The following SLFN12L variants were observed in gnomAD, a reference collection of about 807,000 sequenced individuals.
The protein encoded by SLFN12L is schlafen family member 12-like.
SLFN12L carries 34 observed loss-of-function variants against 34.8 expected under a neutral mutation model. The ratio of observed to expected loss-of-function variants is 0.98; its 90% CI spans 0.74 to 1.30. The LOEUF (loss-of-function observed/expected upper bound fraction) is 1.30. Ranked by LOEUF, SLFN12L falls within the 50% of genes most tolerant of loss-of-function variation. The pLI is 0.00. For missense variants in SLFN12L, 703 were observed against 696.2 expected, an observed-to-expected ratio of 1.01 and a Z score of -0.11; for synonymous variants, 259 against 247.5, an observed-to-expected ratio of 1.05 and a Z score of -0.44.
At chr17:35,492,914 G>T (rs912386273) in intron 2 of SLFN12L, among the ~76,000 whole-genome samples, 1 of 151,728 alleles carries the variant, frequency 6.6e-6, no homozygotes, top group African/African-American at 2.4e-5. Flanking sequence ...CACATAGTAG[G>T]CACTCAACTC....
intron 2 of SLFN12L, among the ~76,000 whole-genome samples, chr17:35,492,629 G>C (rs1914880643): frequency 6.6e-6 from 1 of 152,156 alleles, no homozygotes; most frequent in Admixed American, 6.5e-5. Flanking sequence ...CGTAGAAAAT[G>C]AAGCAAAACA....
Position 35,467,204 on chromosome 17 carries a change from G to T in SLFN12L, c.*7719C>A, listed in dbSNP as rs1287924393. 2.6e-5 allele frequency among the ~76,000 whole-genome samples: 4 copies of T among 152,186 alleles called. No homozygotes were observed. Among genetic ancestry groups the T allele is most frequent in the South Asian group, 4.1e-4 (2 of 4,828 alleles). ...GAGTGAACAGCAATAGAAGTTCACG[G>T]ACTATATGAATGGCACTGCCAACCA... On this transcript the variant is annotated 3_prime_UTR_variant, in exon 5 of 5. Transcript: ENST00000628453.
intron 2 of SLFN12L, among the ~76,000 whole-genome samples, chr17:35,482,413 G>A (rs1914379267): frequency 6.6e-6 from 1 of 152,186 alleles, no homozygotes; most frequent in Non-Finnish European, 1.5e-5. Context: ...ACTTTCTGGA[G>A]CCCGTGGGAG....
chr17:35,478,147 GTGA>G lies in SLFN12L; in HGVS notation c.1201_1203del (p.Ser401del). Reference sequence around the variant, plus strand: ...CGAAGAGGATAACTCTGGGAGACAGGTGATGATGTACTTGCTGGAGAGGGCAGT... The same window carrying G: ...CGAAGAGGATAACTCTGGGAGACAGGTGATGTACTTGCTGGAGAGGGCAGT... On this transcript the variant is annotated inframe_deletion, in exon 4 of 5. Coordinates refer to ENST00000628453, the MANE Select transcript of SLFN12L (RefSeq NM_001363830.2). 6.5e-7 allele frequency: 1 copy of G among 1,545,678 alleles called. No homozygotes were observed. The highest frequency in any genetic ancestry group is 1.2e-5 in the South Asian group (1 of 83,688).
At chr17:35,528,423 C>T (rs1417235315) in intron 1 of SLFN12L, among the ~76,000 whole-genome samples, 1 of 152,176 alleles carries the variant, frequency 6.6e-6, no homozygotes, top group Non-Finnish European at 1.5e-5. Flanking sequence ...CTGGAGGCAT[C>T]AAGCTACCCT....
At chr17:35,517,684 C>T (rs1597875141) in intron 2 of SLFN12L, among the ~76,000 whole-genome samples, 2 of 152,180 alleles carry the variant, frequency 1.3e-5, no homozygotes, top group Admixed American at 1.3e-4. Context: ...CAGCATAGCA[C>T]TGGTACCAAA....
At chr17:35,500,246 G>A (rs1018946052) in intron 2 of SLFN12L, 5 of 152,112 alleles carry the variant, frequency 3.3e-5, no homozygotes, top group Admixed American at 2.0e-4. Context: ...CTTATGATGA[G>A]TAAAGAGTCT....
At chr17:35,527,380 T>C (rs1288168369) in intron 1 of SLFN12L, among the ~76,000 whole-genome samples, 2 of 152,192 alleles carry the variant, frequency 1.3e-5, no homozygotes, top group Non-Finnish European at 2.9e-5. Flanking sequence ...ATCATCCTGA[T>C]ACCAAAACCT....
Position 35,471,364 on chromosome 17 carries a change from T to G in SLFN12L, c.*3559A>C, listed in dbSNP as rs1312139213. ...GTTGGCCAGGCTGGTCTCAAACTCC[T>G]GGCCTCAGGTGATCCACCCGCCTCA... On this transcript the variant is annotated 3_prime_UTR_variant, in exon 5 of 5. Transcript: ENST00000628453. Among the ~76,000 whole-genome samples the G allele has an allele frequency of 6.6e-6, 1 of 152,136 alleles. No homozygotes were observed. Among genetic ancestry groups the G allele is most frequent in the Non-Finnish European group, 1.5e-5 (1 of 68,008 alleles).
At chr17:35,489,956 G>A (rs1261100306) in intron 2 of SLFN12L, 3 of 1,424,818 alleles carry the variant, frequency 2.1e-6, no homozygotes, top group South Asian at 2.3e-5. Context: ...AACCAGTCAT[G>A]ATTTTTAAAA....
rs970498353 is a variant in SLFN12L, at chr17:35,465,207, A to G, written c.*9716T>C. Among the ~76,000 whole-genome samples, 1 of 152,178 alleles carries G rather than the reference A, an allele frequency of 6.6e-6. No individual in the cohort carries two copies. The highest frequency in any genetic ancestry group is 1.5e-5 in the Non-Finnish European group (1 of 68,030). On this transcript the variant is annotated 3_prime_UTR_variant, in exon 5 of 5. Transcript: ENST00000628453. ...AACTGAAAGCTCTAAATTAACTTTA[A>G]CATTTGCCAAAATGCACCAATTGAG...
intron 2 of SLFN12L, among the ~76,000 whole-genome samples, chr17:35,493,015 A>C (rs1380133754): frequency 6.6e-6 from 1 of 151,638 alleles, no homozygotes; most frequent in African/African-American, 2.4e-5. Context: ...CAGCCAGTTT[A>C]CTCCAGGTAG....
intron 2 of SLFN12L, among the ~76,000 whole-genome samples, chr17:35,504,048 C>A (rs1915387531): frequency 6.6e-6 from 1 of 152,224 alleles, no homozygotes; most frequent in African/African-American, 2.4e-5. Flanking sequence ...CACTCTATTT[C>A]TGACCATCTA....
In SLFN12L at chr17:35,530,405, GGAAGGAAGGAAGGAAGGAAGGAAGGGA is replaced by G. The variant is rs2072382551; in HGVS notation, c.-606+7141_-606+7167del. 1.2e-3 allele frequency among the ~76,000 whole-genome samples: 14 copies of G among 11,336 alleles called. 1 individual carries two copies. The highest frequency in any genetic ancestry group is 3.5e-3 in the African/African-American group (13 of 3,684). 7.4% of individuals were successfully genotyped at this position (11,336 alleles called of 152,430 possible). A position where few individuals can be genotyped will look rare whatever the true frequency, so the allele number is the denominator to read the frequency against. On this transcript the variant is annotated intron_variant, in intron 1 of 4. Coordinates refer to ENST00000628453, the MANE Select transcript of SLFN12L (RefSeq NM_001363830.2). ...AGGAAGGAAGGAAGGAAGGAAGGAA[GGAAGGAAGGAAGGAAGGAAGGAAGGGA>G]AGGGAAGGGAAGAAAGAAAGAAAGA... is the stretch of plus-strand genomic sequence containing the variant.
intron 2 of SLFN12L, among the ~76,000 whole-genome samples, chr17:35,513,930 G>A (rs964612855): frequency 1.3e-5 from 2 of 152,150 alleles, no homozygotes; most frequent in Non-Finnish European, 2.9e-5. Context: ...AGGCAAGCAC[G>A]CGAAATTCAG....
intron 2 of SLFN12L, chr17:35,515,301 T>C (rs1915781006): frequency 7.9e-6 from 3 of 378,064 alleles, no homozygotes; most frequent in South Asian, 4.9e-5. Context: ...GACAGGCACT[T>C]GGAAAGCAAG....
intron 1 of SLFN12L, among the ~76,000 whole-genome samples, chr17:35,524,046 T>G (rs2072308195): frequency 6.6e-6 from 1 of 152,212 alleles, no homozygotes; most frequent in Non-Finnish European, 1.5e-5. Flanking sequence ...TTGTAAGTGG[T>G]AATTTGAAAT....
intron 2 of SLFN12L, among the ~76,000 whole-genome samples, chr17:35,494,214 T>C (rs1275895564): frequency 7.0e-6 from 1 of 142,994 alleles, no homozygotes; most frequent in African/African-American, 2.6e-5. Context: ...AAAAAGAAAA[T>C]ATGTAATATA....
In SLFN12L at chr17:35,488,322, C is replaced by T. The variant is rs112214312; in HGVS notation, c.87-8127G>A. On this transcript the variant is annotated intron_variant, in intron 2 of 4. Coordinates refer to ENST00000628453, the MANE Select transcript of SLFN12L (RefSeq NM_001363830.2). ...TGAAAGCGCAGTTGACGCCAGAAACCGGGGGAGAGCAGCTACTAATGCACA... is the reference window on the plus strand; with the variant it reads ...TGAAAGCGCAGTTGACGCCAGAAACTGGGGGAGAGCAGCTACTAATGCACA... Among the ~76,000 whole-genome samples the T allele has an allele frequency of 3.4e-3, 520 of 152,318 alleles. 6 individuals are homozygous for T. The highest frequency in any genetic ancestry group is 0.012 in the African/African-American group (491 of 41,568).
Sources: allele counts gnomAD v4.1 joint callset (sites outside exome capture counted in the v4.1 genomes callset), GRCh38; gene constraint gnomAD v4.1.1; transcripts MANE v1.5; gene names NCBI Gene and HGNC (gene_info 2026-07-23, HGNC 2026-07-21).